Variants in PLXNC1 observed in about 807,000 individuals in gnomAD.
The protein encoded by PLXNC1 is plexin-C1.
In PLXNC1, 75 loss-of-function variants were observed where a neutral mutation model predicts 178.2. The ratio of observed to expected loss-of-function variants is 0.42; its 90% CI spans 0.35 to 0.51. The LOEUF (loss-of-function observed/expected upper bound fraction) is 0.51, where lower values mean the gene tolerates loss of function less well. PLXNC1 is among the 20% of genes least tolerant of loss of function. PLXNC1 has a pLI of 0.02. For missense variants in PLXNC1, 1,503 were observed against 1,984.4 expected, an observed-to-expected ratio of 0.76 and a Z score of 4.61; for synonymous variants, 790 against 779.9, an observed-to-expected ratio of 1.01 and a Z score of -0.22.
intron 4 of PLXNC1, among the ~76,000 whole-genome samples, chr12:94,198,797 C>G (rs1012743047): frequency 1.3e-5 from 2 of 152,186 alleles, no homozygotes; most frequent in Non-Finnish European, 2.9e-5. Context: ...GTCCAAATCT[C>G]CCTCTCCTTT....
At chr12:94,196,294 C>T (rs1247342306) in intron 4 of PLXNC1, among the ~76,000 whole-genome samples, 1 of 152,060 alleles carries the variant, frequency 6.6e-6, no homozygotes, top group African/African-American at 2.4e-5. Flanking sequence ...GGGAACGGAT[C>T]CCTCATGAAT....
At position 94,158,917 on chromosome 12, in the gene PLXNC1, A is replaced by C. The variant is rs149660802; in HGVS notation, c.1062+8884A>C. ...CCTGTCCCTGAGGCATCTCCAAGGA[A>C]CTTCTAGAGCAGGGTGTGAAAACCA... On this transcript the variant is annotated intron_variant, in intron 1 of 30. Transcript: ENST00000258526. Among the ~76,000 whole-genome samples, 363 of 152,290 alleles carry C rather than the reference A, an allele frequency of 2.4e-3. 1 individual carries two copies. The highest frequency in any genetic ancestry group is 8.5e-3 in the African/African-American group (354 of 41,556).
intron 1 of PLXNC1, among the ~76,000 whole-genome samples, chr12:94,152,469 G>A (rs1960996294): frequency 6.6e-6 from 1 of 152,198 alleles, no homozygotes; most frequent in African/African-American, 2.4e-5. Flanking sequence ...TGGGATCAGT[G>A]TGCCCCTGGC....
At chr12:94,280,152 T>C (rs832503) in intron 22 of PLXNC1, 155,398 of 243,232 alleles carry the variant, frequency 0.64, 50,280 homozygotes, top group African/African-American at 0.7. Context: ...CCGTCCTCCC[T>C]CAGTGTGCAG....
At chr12:94,195,017 G>A (rs1004740561) in intron 4 of PLXNC1, among the ~76,000 whole-genome samples, 11 of 152,036 alleles carry the variant, frequency 7.2e-5, no homozygotes. Context: ...TCAGGCAGAA[G>A]AATCAGCGCA....
rs1012621200 is a variant in PLXNC1 at position 94,306,681 on chromosome 12, C to T, written c.*1396C>T. 1 of 152,104 alleles carries T rather than the reference C, an allele frequency of 6.6e-6. No individual in the cohort carries two copies. Among genetic ancestry groups the T allele is most frequent in the African/African-American group, 2.4e-5 (1 of 41,438 alleles). 9.4% of individuals were successfully genotyped at this position (152,104 alleles called of 1,614,324 possible). Reference sequence around the variant, plus strand: ...ACATTGATCACATATTCCTTGAAATCATTTACCAACACTGTATGGAGCATT... The same window carrying T: ...ACATTGATCACATATTCCTTGAAATTATTTACCAACACTGTATGGAGCATT... On this transcript the variant is annotated 3_prime_UTR_variant, in exon 31 of 31. Coordinates refer to ENST00000258526, the MANE Select transcript of PLXNC1 (RefSeq NM_005761.3).
chr12:94,200,905 ACCACG>A (rs1963095923), intron 4 of PLXNC1, among the ~76,000 whole-genome samples: 1 of 152,204 alleles, frequency 6.6e-6, no homozygotes, highest in Non-Finnish European at 1.5e-5. Flanking sequence ...CTGTTTTTCC[ACCACG>A]CCAGTGAACA....
In PLXNC1 at chr12:94,306,216, G is replaced by C. The variant is rs1247096938; in HGVS notation, c.*931G>C. 3.3e-5 allele frequency: 5 copies of C among 150,820 alleles called. No individual in the cohort carries two copies. Among genetic ancestry groups the C allele is most frequent in the African/African-American group, 1.2e-4 (5 of 40,660 alleles). 9.3% of individuals were successfully genotyped at this position (150,820 alleles called of 1,614,324 possible). Reference sequence around the variant, plus strand: ...GTGAACCCTGTGGTTATGAATACTTGTGTGTGATTTAAAAAAAAAAAGATA... The same window carrying C: ...GTGAACCCTGTGGTTATGAATACTTCTGTGTGATTTAAAAAAAAAAAGATA... On this transcript the variant is annotated 3_prime_UTR_variant, in exon 31 of 31. Coordinates refer to ENST00000258526, the MANE Select transcript of PLXNC1 (RefSeq NM_005761.3).
At chr12:94,173,940 C>T (rs529725715) in intron 2 of PLXNC1, among the ~76,000 whole-genome samples, 39 of 152,162 alleles carry the variant, frequency 2.6e-4, no homozygotes, top group Non-Finnish European at 8.8e-5. Context: ...AGCTTTACCC[C>T]AGTGGGCTCC....
In PLXNC1 at chr12:94,243,930, C is replaced by A. The variant is rs573859610; in HGVS notation, c.2301-8C>A. ...TGAAACCCTTATTGTTGCTTTTATT[C>A]CTTGCAGTGGTGGTCAAAATATAAC... On this transcript the variant is annotated splice_polypyrimidine_tract_variant and splice_region_variant and intron_variant, in intron 11 of 30. Transcript: ENST00000258526. 3 of 1,491,000 alleles carry A rather than the reference C, an allele frequency of 2.0e-6. No homozygotes were observed. The highest frequency in any genetic ancestry group is 2.4e-5 in the South Asian group (2 of 82,722). The allele number at this position is 1,491,000 out of a possible 1,614,324, so 92.4% of individuals were successfully genotyped here. A position where few individuals can be genotyped will look rare whatever the true frequency, so the allele number is the denominator to read the frequency against.
chr12:94,248,494 A>G, intron 14 of PLXNC1, 82 bp downstream of exon 14: 1 of 1,054,690 alleles, frequency 9.5e-7, no homozygotes, highest in Non-Finnish European at 1.4e-6. Context: ...CCAGAATGGA[A>G]TCTTTCATGG....
intron 21 of PLXNC1, among the ~76,000 whole-genome samples, chr12:94,274,940 T>C (rs1159820158): frequency 6.6e-6 from 1 of 152,236 alleles, no homozygotes; most frequent in African/African-American, 2.4e-5. Flanking sequence ...CTGGCACCTA[T>C]AAAGCACTCC....
intron 1 of PLXNC1, among the ~76,000 whole-genome samples, chr12:94,164,244 T>G (rs1367000272): frequency 6.6e-6 from 1 of 152,192 alleles, no homozygotes; most frequent in Non-Finnish European, 1.5e-5. Flanking sequence ...AGAAAGGCAT[T>G]TTGTCATGTA....
chr12:94,283,580 G>A (rs1966610623), intron 23 of PLXNC1, among the ~76,000 whole-genome samples: 1 of 152,214 alleles, frequency 6.6e-6, no homozygotes, highest in Non-Finnish European at 1.5e-5. Flanking sequence ...ACTCAAATCA[G>A]TCTCCCTGAG....
intron 21 of PLXNC1, among the ~76,000 whole-genome samples, chr12:94,270,265 C>T (rs576348286): frequency 9.2e-5 from 14 of 152,226 alleles, no homozygotes; most frequent in Non-Finnish European, 1.9e-4. Flanking sequence ...GCCCCTCTGC[C>T]TATTTTTATA....
chr12:94,157,859 A>G (rs1402603469), intron 1 of PLXNC1, among the ~76,000 whole-genome samples: 1 of 152,272 alleles, frequency 6.6e-6, no homozygotes, highest in Non-Finnish European at 1.5e-5. Flanking sequence ...TGGACAATAC[A>G]TAAATGAGCA....
At chr12:94,301,127 A>C in intron 28 of PLXNC1, 70 bp downstream of exon 28, 1 of 1,399,010 alleles carries the variant, frequency 7.1e-7, no homozygotes, top group Non-Finnish European at 1.0e-6. Context: ...TCTGATAAGC[A>C]TTCAAATAAT....
intron 4 of PLXNC1, among the ~76,000 whole-genome samples, chr12:94,207,623 G>C (rs752495804): frequency 4.6e-5 from 7 of 152,180 alleles, no homozygotes; most frequent in Non-Finnish European, 1.0e-4. Flanking sequence ...CTTCTTTGAG[G>C]AGCTTAGAGC....
chr12:94,148,624 C>G lies in PLXNC1; in HGVS notation c.-348C>G, dbSNP rs1360666069. On this transcript the variant is annotated 5_prime_UTR_variant, in exon 1 of 31. Transcript: ENST00000258526. The surrounding 1 kb of genome is among the most constrained non-coding windows in gnomAD (Gnocchi z 4.8). Reference sequence around the variant, plus strand: ...AAGCGCACCCAACCTCTCCAGCCCTCCCCGCCCGCCTCGCTCCTCTCCGCC... The same window carrying G: ...AAGCGCACCCAACCTCTCCAGCCCTGCCCGCCCGCCTCGCTCCTCTCCGCC... 1 of 151,816 alleles carries G rather than the reference C, an allele frequency of 6.6e-6. No individual in the cohort carries two copies. Among genetic ancestry groups the G allele is most frequent in the Non-Finnish European group, 1.5e-5 (1 of 67,960 alleles). The allele number at this position is 151,816 out of a possible 1,614,324, so 9.4% of individuals were successfully genotyped here.
Sources: allele counts gnomAD v4.1 joint callset (sites outside exome capture counted in the v4.1 genomes callset), GRCh38; gene constraint gnomAD v4.1.1; non-coding constraint Gnocchi (gnomAD v3.1); transcripts MANE v1.5; gene names NCBI Gene and HGNC (gene_info 2026-07-23, HGNC 2026-07-21).